LDB2: variants seen among roughly 807,000 people sequenced by gnomAD.
The protein encoded by LDB2 is LIM domain-binding protein 2.
LDB2 carries 12 observed loss-of-function variants against 44.3 expected under a neutral mutation model. That is an observed-to-expected ratio of 0.27 (90% CI 0.17 to 0.44). The LOEUF (loss-of-function observed/expected upper bound fraction) is 0.44, where lower values mean the gene tolerates loss of function less well. Ranked by LOEUF, LDB2 falls within the 20% of genes least tolerant of loss-of-function variation. The pLI is 1.00. For missense variants in LDB2, 344 were observed against 473.5 expected, an observed-to-expected ratio of 0.73 and a Z score of 2.54; for synonymous variants, 164 against 174.8, an observed-to-expected ratio of 0.94 and a Z score of 0.49.
At chr4:16,873,133 T>C (rs1302453485) in intron 1 of LDB2, among the ~76,000 whole-genome samples, 1 of 152,138 alleles carries the variant, frequency 6.6e-6, no homozygotes, top group African/African-American at 2.4e-5. Flanking sequence ...CCTGGGAATA[T>C]TTAGCCCAGG....
intron 2 of LDB2, among the ~76,000 whole-genome samples, chr4:16,757,568 A>T (rs1166420698): frequency 6.6e-6 from 1 of 152,166 alleles, no homozygotes; most frequent in Non-Finnish European, 1.5e-5. Flanking sequence ...TGGATTCCCG[A>T]ACCAACAAAG....
chr4:16,550,791 A>G (rs1737386362), intron 5 of LDB2, among the ~76,000 whole-genome samples: 1 of 152,264 alleles, frequency 6.6e-6, no homozygotes, highest in South Asian at 2.1e-4. Flanking sequence ...ATAAACAAGG[A>G]GACTTGTACA....
chr4:16,835,291 C>T (rs896028189), intron 1 of LDB2, among the ~76,000 whole-genome samples: 5 of 152,144 alleles, frequency 3.3e-5, no homozygotes, highest in African/African-American at 1.2e-4. Flanking sequence ...TCAATGCCAT[C>T]CCCACACCCC....
At chr4:16,787,930 A>G (rs1774808632) in intron 1 of LDB2, among the ~76,000 whole-genome samples, 1 of 133,974 alleles carries the variant, frequency 7.5e-6, no homozygotes, top group Non-Finnish European at 1.7e-5. Flanking sequence ...GCTTCCCACT[A>G]CTTAAGAATA....
rs761894862 is a variant in LDB2, at chr4:16,898,339, G to C, written c.132+15C>G. ...CAAAAATACACAAACACATCCCCAA[G>C]GTTGAAGTACTTACCTCTGTGCGAG... is the stretch of plus-strand genomic sequence containing the variant. On this transcript the variant is annotated intron_variant, in intron 1 of 7. Transcript: ENST00000304523. 2 of 1,608,800 alleles carry C rather than the reference G, an allele frequency of 1.2e-6. No homozygotes were observed. The highest frequency in any genetic ancestry group is 1.7e-6 in the Non-Finnish European group (2 of 1,176,522).
intron 2 of LDB2, among the ~76,000 whole-genome samples, chr4:16,673,897 T>C (rs1173170904): frequency 6.6e-6 from 1 of 152,160 alleles, no homozygotes; most frequent in Non-Finnish European, 1.5e-5. Flanking sequence ...ATGAGAACAT[T>C]TCTCCCTCTT....
At chr4:16,828,599 C>G (rs561926493) in intron 1 of LDB2, among the ~76,000 whole-genome samples, 15 of 152,220 alleles carry the variant, frequency 9.9e-5, no homozygotes, top group African/African-American at 3.6e-4. Flanking sequence ...TGTTGTATCT[C>G]TCTCAGAGTT....
At chr4:16,577,253 T>G (rs554912032) in intron 5 of LDB2, among the ~76,000 whole-genome samples, 45 of 152,090 alleles carry the variant, frequency 3.0e-4, no homozygotes, top group Non-Finnish European at 5.6e-4. Context: ...GAGAAAGAAA[T>G]AAAGGGCATC....
Position 16,731,181 on chromosome 4 carries a change from G to A in LDB2, c.235+27977C>T, listed in dbSNP as rs1000596155. Among the ~76,000 whole-genome samples, 13 of 152,182 alleles carry A rather than the reference G, an allele frequency of 8.5e-5. 1 individual carries two copies. The highest frequency in any genetic ancestry group is 4.6e-4 in the Admixed American group (7 of 15,274). ...ACAGGTAGAACTCAGGGAGGTAGTTGTTAGAACTGGAATGGAATGGAATGA... is the reference window on the plus strand; with the variant it reads ...ACAGGTAGAACTCAGGGAGGTAGTTATTAGAACTGGAATGGAATGGAATGA... On this transcript the variant is annotated intron_variant, in intron 2 of 7. Coordinates refer to ENST00000304523, the MANE Select transcript of LDB2 (RefSeq NM_001290.5).
intron 1 of LDB2, among the ~76,000 whole-genome samples, chr4:16,780,434 A>G (rs536803785): frequency 1.3e-5 from 2 of 152,110 alleles, no homozygotes; most frequent in Non-Finnish European, 1.5e-5. Context: ...TGTTGGCCAG[A>G]CTGGTCTTGA....
intron 2 of LDB2, among the ~76,000 whole-genome samples, chr4:16,643,721 C>G (rs946772769): frequency 6.6e-6 from 1 of 152,076 alleles, no homozygotes; most frequent in African/African-American, 2.4e-5. Context: ...ACAACCTCTT[C>G]ATTTTGGTCT....
rs746062243 is a variant in LDB2, at chr4:16,502,597, T to C, written c.*46A>G. The stretch of plus-strand genomic sequence containing the variant: ...TGTAAGTAAAGATTTGCAATTGTAA[T>C]GATCACCCACGGGCCTATTGACAGT... On this transcript the variant is annotated 3_prime_UTR_variant, in exon 8 of 8. Transcript: ENST00000304523. The C allele has an allele frequency of 6.3e-7, 1 of 1,597,568 alleles. No individual in the cohort carries two copies. The highest frequency in any genetic ancestry group is 2.3e-5 in the East Asian group (1 of 44,402).
intron 1 of LDB2, among the ~76,000 whole-genome samples, chr4:16,786,561 C>T (rs912624432): frequency 2.0e-4 from 31 of 152,084 alleles, no homozygotes; most frequent in Non-Finnish European, 4.4e-5. Flanking sequence ...TTCAGTTTTC[C>T]TGTATCTGAA....
At chr4:16,635,186 A>C (rs772163139) in intron 2 of LDB2, among the ~76,000 whole-genome samples, 1 of 152,158 alleles carries the variant, frequency 6.6e-6, no homozygotes, top group Admixed American at 6.5e-5. Context: ...GAAATACCTA[A>C]TGTAGGTGAT....
chr4:16,808,170 G>A (rs1403785792), intron 1 of LDB2, among the ~76,000 whole-genome samples: 8 of 152,118 alleles, frequency 5.3e-5, no homozygotes, highest in Admixed American at 2.0e-4. Flanking sequence ...TCTCTCTTCC[G>A]ATACGCCCCT....
At chr4:16,800,162 T>A (rs1334131444) in intron 1 of LDB2, among the ~76,000 whole-genome samples, 1 of 148,982 alleles carries the variant, frequency 6.7e-6, no homozygotes, top group African/African-American at 2.5e-5. Flanking sequence ...AAAAAAAAAA[T>A]GTGAAAAGCT....
intron 2 of LDB2, among the ~76,000 whole-genome samples, chr4:16,607,756 C>A (rs962658249): frequency 6.6e-6 from 1 of 152,104 alleles, no homozygotes; most frequent in South Asian, 2.1e-4. Flanking sequence ...AGGCAGAGAA[C>A]GTTTCTTGAT....
chr4:16,785,595 T>C (rs1774253519), intron 1 of LDB2, among the ~76,000 whole-genome samples: 2 of 152,164 alleles, frequency 1.3e-5, no homozygotes, highest in African/African-American at 4.8e-5. Flanking sequence ...TTCTGTAATG[T>C]TTCTGTGATA....
At chr4:16,729,895 T>C (rs965919683) in intron 2 of LDB2, among the ~76,000 whole-genome samples, 4 of 152,164 alleles carry the variant, frequency 2.6e-5, no homozygotes, top group African/African-American at 7.2e-5. Flanking sequence ...ATCATTAGCA[T>C]TGATTTTTAA....
Sources: allele counts gnomAD v4.1 joint callset (sites outside exome capture counted in the v4.1 genomes callset), GRCh38; gene constraint gnomAD v4.1.1; transcripts MANE v1.5; gene names NCBI Gene and HGNC (gene_info 2026-07-23, HGNC 2026-07-21).